Variants in OR2L2 observed in about 807,000 individuals in gnomAD.
OR2L2 encodes olfactory receptor family 2 subfamily L member 2.
For missense variants in OR2L2, 378 were observed against 375.2 expected (o/e 1.01, Z -0.06); for synonymous variants, 156 against 135.4 (o/e 1.15, Z -1.06).
intron 2 of OR2L2, among the ~76,000 whole-genome samples, chr1:248,037,314 A>G (rs979547351): frequency 5.3e-5 from 8 of 152,202 alleles, no homozygotes; most frequent in African/African-American, 1.9e-4. Flanking sequence ...CTGCAGTTCT[A>G]CAAGTAAGTC....
chr1:248,032,431 G>A (rs1220123708), intron 1 of OR2L2, among the ~76,000 whole-genome samples: 1 of 151,840 alleles, frequency 6.6e-6, no homozygotes. Context: ...ATATTGTTCT[G>A]CAACCATCCC....
chr1:248,038,452 T>C lies in OR2L2; in HGVS notation c.185T>C (p.Leu62Pro), dbSNP rs1662829431. 1.2e-6 allele frequency: 2 copies of C among 1,613,762 alleles called. No individual in the cohort carries two copies. The highest frequency in any genetic ancestry group is 2.2e-5 in the South Asian group (2 of 91,074). ...IHLHTPMYFL[L>P]SQLSLIDLNY... ...CTCCACACACCTATGTATTTCCTACTTAGTCAGCTCTCCCTCATTGACCTA... is the reference window on the plus strand; with the variant it reads ...CTCCACACACCTATGTATTTCCTACCTAGTCAGCTCTCCCTCATTGACCTA... Residue 62 changes from leucine to proline, a missense_variant, in exon 3 of 3, where the codon CTT becomes CCT. Leu to Pro is a moderately conservative substitution (Grantham distance 98). Transcript: ENST00000641771.
intron 1 of OR2L2, among the ~76,000 whole-genome samples, chr1:248,034,595 C>T (rs1307121560): frequency 6.6e-6 from 1 of 152,112 alleles, no homozygotes; most frequent in African/African-American, 2.4e-5. Context: ...TTAAGCCTTC[C>T]AGTCTATAAA....
At chr1:248,036,564 ACTG>A (rs1662767237) in intron 2 of OR2L2, among the ~76,000 whole-genome samples, 2 of 152,048 alleles carry the variant, frequency 1.3e-5, no homozygotes, top group African/African-American at 2.4e-5. Flanking sequence ...GAGTTTGCAC[ACTG>A]TGTAGATCTT....
chr1:248,038,522 G>A lies in OR2L2; in HGVS notation c.255G>A (p.Leu85=), dbSNP rs898872546. 10 of 1,613,990 alleles carry A rather than the reference G, an allele frequency of 6.2e-6. No individual in the cohort carries two copies. The highest frequency in any genetic ancestry group is 8.5e-6 in the Non-Finnish European group (10 of 1,180,006). ...TTCCAAAGATGGTTTATGATTTTCT[G>A]TATGGAAACAAGTCTATCTCCTTCA... ...TIVPKMVYDF[L]YGNKSISFTG... is the part of the protein sequence containing the mutation. Residue 85 remains leucine (L), a synonymous_variant, in exon 3 of 3, where the codon CTG becomes CTA. Coordinates refer to ENST00000641771, the MANE Select transcript of OR2L2 (RefSeq NM_001385855.1).
Position 248,039,412 on chromosome 1 carries a change from T to TTTTG in OR2L2, c.*224_*227dup, listed in dbSNP as rs752718903. The TTTTG allele has an allele frequency of 2.6e-6, 1 of 389,814 alleles. No homozygotes were observed. The highest frequency in any genetic ancestry group is 4.5e-6 in the Non-Finnish European group (1 of 222,320). 24.1% of individuals were successfully genotyped at this position (389,814 alleles called of 1,614,324 possible). On this transcript the variant is annotated 3_prime_UTR_variant, in exon 3 of 3. Transcript: ENST00000641771. ...TATTTTGATTTTGTTTGTGTGTGGTTTTTGTTTGTTTGTTTGTTTGTCTTT... is the reference window on the plus strand; with the variant it reads ...TATTTTGATTTTGTTTGTGTGTGGTTTTTGTTTGTTTGTTTGTTTGTTTGTCTTT...
Position 248,038,305 on chromosome 1 carries a change from T to C in OR2L2, c.38T>C (p.Leu13Ser), listed in dbSNP as rs774913140. 1 of 1,613,146 alleles carries C rather than the reference T, an allele frequency of 6.2e-7. No individual in the cohort carries two copies. The highest frequency in any genetic ancestry group is 8.5e-7 in the Non-Finnish European group (1 of 1,179,320). Residue 13 changes from leucine to serine, a missense_variant, in exon 3 of 3, where the codon TTA becomes TCA. By Grantham distance (145) the Leu-to-Ser change is moderately radical. Coordinates refer to ENST00000641771, the MANE Select transcript of OR2L2 (RefSeq NM_001385855.1). The part of the protein sequence containing the change: ...NYNQTSTDFI[L>S]LGLFPQSRIG... Reference sequence around the variant, plus strand: ...AATCAAACATCAACTGATTTCATCTTATTGGGGCTGTTCCCACAATCAAGA... The same window carrying C: ...AATCAAACATCAACTGATTTCATCTCATTGGGGCTGTTCCCACAATCAAGA...
At chr1:248,032,824 T>C (rs1237977159) in intron 1 of OR2L2, among the ~76,000 whole-genome samples, 1 of 152,226 alleles carries the variant, frequency 6.6e-6, no homozygotes, top group Non-Finnish European at 1.5e-5. Context: ...GGCATATAAG[T>C]ATGTTTTTGT....
Position 248,039,485 on chromosome 1 carries a change from A to G in OR2L2, c.*279A>G. 4.3e-6 allele frequency: 1 copy of G among 235,098 alleles called. No homozygotes were observed. The allele number at this position is 235,098 out of a possible 1,614,324, so 14.6% of individuals were successfully genotyped here. On this transcript the variant is annotated 3_prime_UTR_variant, in exon 3 of 3. Coordinates refer to ENST00000641771, the MANE Select transcript of OR2L2 (RefSeq NM_001385855.1). Reference sequence around the variant, plus strand: ...GCCCAGGCTCTAATGCAATGGCGCAATCTCAGCTCCCCATAACCTCTGCCT... The same window carrying G: ...GCCCAGGCTCTAATGCAATGGCGCAGTCTCAGCTCCCCATAACCTCTGCCT...
intron 2 of OR2L2, among the ~76,000 whole-genome samples, chr1:248,035,934 G>C (rs141483694): frequency 6.6e-6 from 1 of 152,114 alleles, no homozygotes; most frequent in Non-Finnish European, 1.5e-5. Flanking sequence ...TCCTGATGGT[G>C]ATACATATAT....
In OR2L2 at chr1:248,040,847, A is replaced by T. The variant is rs551178661; in HGVS notation, c.*1641A>T. 5.3e-4 allele frequency: 80 copies of T among 152,288 alleles called. 1 individual carries two copies. Among genetic ancestry groups the T allele is most frequent in the African/African-American group, 1.8e-3 (76 of 41,558 alleles). The allele number at this position is 152,288 out of a possible 1,614,324, so 9.4% of individuals were successfully genotyped here. ...TTGTCCTAGAGTCATCTGTACTACA[A>T]TTGGAATAATCATTTTCAAACAAGA... On this transcript the variant is annotated 3_prime_UTR_variant, in exon 3 of 3. Transcript: ENST00000641771.
rs1041474552 is a variant in OR2L2 at position 248,040,521 on chromosome 1, C to T, written c.*1315C>T. 2.0e-5 allele frequency: 3 copies of T among 152,314 alleles called. No homozygotes were observed. The highest frequency in any genetic ancestry group is 1.3e-4 in the Admixed American group (2 of 15,268). 9.4% of individuals were successfully genotyped at this position (152,314 alleles called of 1,614,324 possible). On this transcript the variant is annotated 3_prime_UTR_variant, in exon 3 of 3. Transcript: ENST00000641771. Reference sequence around the variant, plus strand: ...AACCTCTCCTCCTCTTCCTCCGCCTCAGCCCACTCAACGTGAAGACAACAA... The same window carrying T: ...AACCTCTCCTCCTCTTCCTCCGCCTTAGCCCACTCAACGTGAAGACAACAA...
In OR2L2 at chr1:248,038,581, C is replaced by A; in HGVS notation, c.314C>A (p.Thr105Asn). The A allele has an allele frequency of 1.2e-6, 2 of 1,614,190 alleles. No homozygotes were observed. The highest frequency in any genetic ancestry group is 2.2e-5 in the South Asian group (2 of 91,086). ...GGGATTCAGAGTTTCTTCTTCTTGA[C>A]TTTAGCAGTTGCAGAAGGGCTGCTC... ...GCGIQSFFFL[T>N]LAVAEGLLLT... The change falls in exon 3 of 3, where the codon ACT becomes AAT. Residue 105 changes from threonine to asparagine, a missense_variant. Coordinates refer to ENST00000641771, the MANE Select transcript of OR2L2 (RefSeq NM_001385855.1).
chr1:248,033,219 A>G (rs1374122126), intron 1 of OR2L2, among the ~76,000 whole-genome samples: 1 of 152,058 alleles, frequency 6.6e-6, no homozygotes, highest in Non-Finnish European at 1.5e-5. Flanking sequence ...TAGCTCTTAC[A>G]CTTAGGTCTT....
rs1280992988 is a variant in OR2L2, at chr1:248,039,875, C to A, written c.*669C>A. On this transcript the variant is annotated 3_prime_UTR_variant, in exon 3 of 3. Transcript: ENST00000641771. The stretch of plus-strand genomic sequence containing the variant: ...AGTAATGTTTTACTAATAAGTTTAC[C>A]TGAGGATAAATAATTATGTTTGTGG... 1 of 151,992 alleles carries A rather than the reference C, an allele frequency of 6.6e-6. No individual in the cohort carries two copies. Among genetic ancestry groups the A allele is most frequent in the Non-Finnish European group, 1.5e-5 (1 of 68,002 alleles). 9.4% of individuals were successfully genotyped at this position (151,992 alleles called of 1,614,324 possible). A position where few individuals can be genotyped will look rare whatever the true frequency, so the allele number is the denominator to read the frequency against.
At chr1:248,035,788 C>A (rs73141391) in intron 2 of OR2L2, among the ~76,000 whole-genome samples, 164 bp downstream of exon 2, 2,624 of 152,146 alleles carry the variant, frequency 0.017, 83 homozygotes, top group African/African-American at 0.06. Flanking sequence ...AACATCACTA[C>A]CCCCACACTC....
chr1:248,034,989 TAAAC>T (rs960418289), intron 1 of OR2L2, among the ~76,000 whole-genome samples: 4 of 152,060 alleles, frequency 2.6e-5, no homozygotes, highest in Non-Finnish European at 5.9e-5. Flanking sequence ...AGTTATGTCA[TAAAC>T]AAATAAAAAT....
chr1:248,041,962 C>G lies in OR2L2; in HGVS notation c.*2756C>G, dbSNP rs1469829700. The G allele has an allele frequency of 6.6e-6, 1 of 152,108 alleles. No homozygotes were observed. The allele number at this position is 152,108 out of a possible 1,614,324, so 9.4% of individuals were successfully genotyped here. ...GTCAGTGTGGCGATTCCTCAGGGAT[C>G]TAGAACTAGAAATACCATTTGACCC... On this transcript the variant is annotated 3_prime_UTR_variant, in exon 3 of 3. Transcript: ENST00000641771.
chr1:248,032,870 A>G (rs2103089663), intron 1 of OR2L2, among the ~76,000 whole-genome samples: 1 of 152,278 alleles, frequency 6.6e-6, no homozygotes, highest in Non-Finnish European at 1.5e-5. Flanking sequence ...TCAGAAGTGA[A>G]ATAGTTGGAA....
Sources: gnomAD v4.1 joint callset for allele counts (sites outside exome capture counted in the v4.1 genomes callset) on GRCh38, gnomAD v4.1.1 for gene constraint, MANE v1.5 for transcripts, NCBI Gene and HGNC (gene_info 2026-07-23, HGNC 2026-07-21) for gene names.